LRCH1: variants seen among roughly 807,000 people sequenced by gnomAD.
The protein encoded by LRCH1 is leucine rich repeats and calponin homology domain containing 1, also known as leucine-rich repeat and calponin homology domain-containing protein 1.
Under a neutral mutation model 94.9 loss-of-function variants are expected in LRCH1, and 23 were observed. The ratio of observed to expected loss-of-function variants is 0.24; its 90% CI spans 0.17 to 0.34. The LOEUF is 0.34. Ranked by LOEUF, LRCH1 falls within the 10% of genes least tolerant of loss-of-function variation. The probability of loss-of-function intolerance (pLI) is 1.00; values close to 1 mark genes in which losing one functional copy is unlikely to be tolerated. For missense variants in LRCH1, 790 were observed against 945.9 expected, an observed-to-expected ratio of 0.84 and a Z score of 2.16; for synonymous variants, 364 against 354.9, an observed-to-expected ratio of 1.03 and a Z score of -0.29.
intron 3 of LRCH1, among the ~76,000 whole-genome samples, chr13:46,675,174 G>A (rs936347964): frequency 6.6e-6 from 1 of 152,222 alleles, no homozygotes; most frequent in Non-Finnish European, 1.5e-5. Flanking sequence ...CCTGATGGAT[G>A]AGGTATATTT....
At position 46,743,246 on chromosome 13, in the gene LRCH1, T is replaced by C. The variant is rs1451842248; in HGVS notation, c.*1398T>C. On this transcript the variant is annotated 3_prime_UTR_variant, in exon 20 of 20. Transcript: ENST00000389797. The stretch of plus-strand genomic sequence containing the variant: ...TTATTTTTCTGAACATTTTCATGAA[T>C]CCAGGGGACTTGAAAATATGGAAGA... 1.0e-6 allele frequency: 1 copy of C among 985,448 alleles called. No homozygotes were observed. Among genetic ancestry groups the C allele is most frequent in the Non-Finnish European group, 1.2e-6 (1 of 829,660 alleles). The allele number at this position is 985,448 out of a possible 1,614,324, so 61.0% of individuals were successfully genotyped here. A position where few individuals can be genotyped will look rare whatever the true frequency, so the allele number is the denominator to read the frequency against.
At chr13:46,657,835 A>G (rs2051396847) in intron 2 of LRCH1, among the ~76,000 whole-genome samples, 1 of 150,846 alleles carries the variant, frequency 6.6e-6, no homozygotes, top group Non-Finnish European at 1.5e-5. Flanking sequence ...AGCCACCACT[A>G]CTTCTTAATA....
chr13:46,627,564 C>T (rs2050964994), intron 1 of LRCH1, among the ~76,000 whole-genome samples: 1 of 152,132 alleles, frequency 6.6e-6, no homozygotes, highest in Admixed American at 6.5e-5. Flanking sequence ...ACTGCCTGCC[C>T]TACTGTTTTC....
chr13:46,645,685 TCTG>T (rs59595557), intron 1 of LRCH1, among the ~76,000 whole-genome samples: 12,933 of 152,248 alleles, frequency 0.085, 650 homozygotes, highest in Middle Eastern at 0.16. Flanking sequence ...GAACTAGTCT[TCTG>T]CTCTCAGGTT....
chr13:46,640,836 T>C (rs565306646), intron 1 of LRCH1, among the ~76,000 whole-genome samples: 2 of 152,348 alleles, frequency 1.3e-5, no homozygotes, highest in Admixed American at 1.3e-4. Context: ...TTTAAGGAGA[T>C]GATCAGGGAA....
intron 1 of LRCH1, among the ~76,000 whole-genome samples, chr13:46,593,283 C>CTTTTTT (rs34821427): frequency 2.2e-5 from 2 of 92,202 alleles, no homozygotes; most frequent in Non-Finnish European, 2.1e-5. Flanking sequence ...TCTTTCTTTC[C>CTTTTTT]TTTTTTTTTT....
intron 3 of LRCH1, among the ~76,000 whole-genome samples, chr13:46,679,196 C>G (rs2051717535): frequency 6.6e-6 from 1 of 152,218 alleles, no homozygotes; most frequent in Admixed American, 6.5e-5. Flanking sequence ...ACAACATCAC[C>G]CAAGTGACTG....
intron 1 of LRCH1, among the ~76,000 whole-genome samples, chr13:46,598,217 G>C (rs888392538): frequency 6.6e-6 from 1 of 152,124 alleles, no homozygotes; most frequent in Non-Finnish European, 1.5e-5. Flanking sequence ...GAGTAAATTG[G>C]CATACAGCGT....
intron 4 of LRCH1, among the ~76,000 whole-genome samples, chr13:46,685,445 T>C (rs1277412551): frequency 6.6e-6 from 1 of 152,234 alleles, no homozygotes; most frequent in East Asian, 1.9e-4. Context: ...AACTCATGAA[T>C]ATATTTAGTG....
intron 1 of LRCH1, among the ~76,000 whole-genome samples, chr13:46,571,068 T>G (rs1429667785): frequency 1.3e-5 from 2 of 152,218 alleles, no homozygotes; most frequent in Non-Finnish European, 2.9e-5. Flanking sequence ...AAATTCACCC[T>G]AGAGTTTACC....
chr13:46,737,827 T>G (rs1170145094), intron 19 of LRCH1, among the ~76,000 whole-genome samples: 3 of 152,314 alleles, frequency 2.0e-5, no homozygotes, highest in East Asian at 3.9e-4. Context: ...GGTTGACTAT[T>G]GGAGGTTTTC....
intron 13 of LRCH1, among the ~76,000 whole-genome samples, chr13:46,706,254 A>G (rs187440289): frequency 2.6e-5 from 4 of 152,364 alleles, no homozygotes; most frequent in African/African-American, 7.2e-5. Context: ...CTCTCTAAAC[A>G]TTCATTACTG....
chr13:46,621,944 A>G (rs1396789697), intron 1 of LRCH1, among the ~76,000 whole-genome samples: 2 of 152,178 alleles, frequency 1.3e-5, no homozygotes, highest in Non-Finnish European at 2.9e-5. Context: ...TAGGGATTTA[A>G]AAGACGGATA....
At chr13:46,591,123 A>G (rs1231771480) in intron 1 of LRCH1, among the ~76,000 whole-genome samples, 1 of 152,152 alleles carries the variant, frequency 6.6e-6, no homozygotes, top group Non-Finnish European at 1.5e-5. Context: ...TTAAATTGTC[A>G]AGCAAGTATA....
At chr13:46,660,034 C>CTT (rs767544799) in intron 2 of LRCH1, among the ~76,000 whole-genome samples, 4 of 103,644 alleles carry the variant, frequency 3.9e-5, no homozygotes, top group African/African-American at 7.1e-5. Flanking sequence ...TTAGGAGTCA[C>CTT]TTTTTTTTTT....
intron 16 of LRCH1, among the ~76,000 whole-genome samples, chr13:46,716,441 T>A (rs951205231): frequency 2.0e-5 from 3 of 152,206 alleles, no homozygotes; most frequent in African/African-American, 7.2e-5. Flanking sequence ...ATATTCAAAT[T>A]TTAAACATTT....
chr13:46,626,535 A>AC (rs1220550468), intron 1 of LRCH1, among the ~76,000 whole-genome samples: 1 of 152,186 alleles, frequency 6.6e-6, no homozygotes, highest in African/African-American at 2.4e-5. Flanking sequence ...CTGCCCGCAA[A>AC]ACATTGCTCT....
At chr13:46,627,821 T>A (rs2050969065) in intron 1 of LRCH1, among the ~76,000 whole-genome samples, 1 of 152,198 alleles carries the variant, frequency 6.6e-6, no homozygotes, top group Admixed American at 6.5e-5. Context: ...ACTTTTTGGA[T>A]CCGTGTAATT....
At chr13:46,576,283 T>C (rs980757260) in intron 1 of LRCH1, among the ~76,000 whole-genome samples, 3 of 152,240 alleles carry the variant, frequency 2.0e-5, no homozygotes, top group Non-Finnish European at 2.9e-5. Context: ...ATGCTCCCTT[T>C]AGGCAGGCCC....
Sources: gnomAD v4.1 joint callset for allele counts (sites outside exome capture counted in the v4.1 genomes callset) on GRCh38, gnomAD v4.1.1 for gene constraint, MANE v1.5 for transcripts, NCBI Gene and HGNC (gene_info 2026-07-23, HGNC 2026-07-21) for gene names.